ERC2: variants seen among roughly 807,000 people sequenced by gnomAD.
ERC2 encodes the protein ERC protein 2.
Under a neutral mutation model 114.8 loss-of-function variants are expected in ERC2, and 42 were observed. That is an observed-to-expected ratio of 0.37 (90% CI 0.29 to 0.47). The LOEUF (loss-of-function observed/expected upper bound fraction) is 0.47. Ranked by LOEUF, ERC2 falls within the 20% of genes least tolerant of loss-of-function variation. The probability of loss-of-function intolerance (pLI) is 0.99; values close to 1 mark genes in which losing one functional copy is unlikely to be tolerated. For synonymous variants in ERC2, 454 were observed against 425.5 expected (o/e 1.07, Z -0.82); for missense variants, 939 against 1,150.7 (o/e 0.82, Z 2.66).
chr3:55,545,576 T>C (rs2054686818), intron 17 of ERC2, among the ~76,000 whole-genome samples: 2 of 152,190 alleles, frequency 1.3e-5, no homozygotes, highest in Admixed American at 6.5e-5. Flanking sequence ...AGTGGGACTC[T>C]TAGGGGTAAT....
At chr3:55,918,687 C>T (rs1259163026) in intron 13 of ERC2, among the ~76,000 whole-genome samples, 3 of 151,548 alleles carry the variant, frequency 2.0e-5, no homozygotes, top group Non-Finnish European at 4.4e-5. Flanking sequence ...GGAAGCTGAT[C>T]CACCCTATCA....
chr3:56,037,112 C>T (rs901631551), intron 7 of ERC2, among the ~76,000 whole-genome samples: 1 of 152,164 alleles, frequency 6.6e-6, no homozygotes, highest in African/African-American at 2.4e-5. Flanking sequence ...CACAAAAATG[C>T]TAAAAACTCA....
chr3:56,055,788 C>A (rs2075987136), intron 7 of ERC2, among the ~76,000 whole-genome samples: 1 of 152,190 alleles, frequency 6.6e-6, no homozygotes, highest in Admixed American at 6.5e-5. Context: ...ATCCCACTCT[C>A]AGTCTCCCCT....
At chr3:55,924,859 G>T (rs1238168230) in intron 13 of ERC2, among the ~76,000 whole-genome samples, 1 of 152,176 alleles carries the variant, frequency 6.6e-6, no homozygotes, top group South Asian at 2.1e-4. Context: ...AATGAACCCT[G>T]TGTGGATATA....
chr3:55,779,888 T>TA (rs1444090696), intron 14 of ERC2, among the ~76,000 whole-genome samples: 1 of 143,268 alleles, frequency 7.0e-6, no homozygotes, highest in Non-Finnish European at 1.5e-5. Flanking sequence ...GAGAAAGTCT[T>TA]AGTCTTTTTT....
At chr3:56,284,829 A>G (rs1560520222) in intron 3 of ERC2, among the ~76,000 whole-genome samples, 3 of 151,412 alleles carry the variant, frequency 2.0e-5, no homozygotes, top group African/African-American at 7.3e-5. Flanking sequence ...ACCACCCCCA[A>G]CCCCTCCTTT....
chr3:56,183,036 C>A (rs1340591390), intron 3 of ERC2, among the ~76,000 whole-genome samples: 1 of 151,890 alleles, frequency 6.6e-6, no homozygotes, highest in Non-Finnish European at 1.5e-5. Flanking sequence ...TAAATAATAA[C>A]CTAAAATATT....
rs2051971323 is a variant in ERC2 at position 55,509,952 on chromosome 3, G to C, written c.*1364C>G. 1 of 152,644 alleles carries C rather than the reference G, an allele frequency of 6.6e-6. No individual in the cohort carries two copies. The highest frequency in any genetic ancestry group is 1.5e-5 in the Non-Finnish European group (1 of 68,040). 9.5% of individuals were successfully genotyped at this position (152,644 alleles called of 1,614,324 possible). A position where few individuals can be genotyped will look rare whatever the true frequency, so the allele number is the denominator to read the frequency against. ...TTTCTTCCATTGACAAGAAAATGGA[G>C]CAATACAAGAGTTGCACATGTTTGC... On this transcript the variant is annotated 3_prime_UTR_variant, in exon 18 of 18. Coordinates refer to ENST00000288221, the MANE Select transcript of ERC2 (RefSeq NM_015576.3).
chr3:56,466,163 CAAT>C (rs1301788219), intron 1 of ERC2, among the ~76,000 whole-genome samples: 3 of 152,208 alleles, frequency 2.0e-5, no homozygotes, highest in Admixed American at 6.5e-5. Context: ...TATGCAATAA[CAAT>C]GATGATGATA....
intron 14 of ERC2, among the ~76,000 whole-genome samples, chr3:55,878,807 A>G (rs189430749): frequency 1.3e-5 from 2 of 152,304 alleles, no homozygotes; most frequent in African/African-American, 4.8e-5. Flanking sequence ...GGCTAATTTA[A>G]TTCTCTGAAG....
intron 12 of ERC2, among the ~76,000 whole-genome samples, chr3:55,977,062 T>A (rs2069646087): frequency 6.6e-6 from 1 of 152,250 alleles, no homozygotes; most frequent in Admixed American, 6.5e-5. Flanking sequence ...AATCTGTTGG[T>A]ACCTTTGATC....
intron 17 of ERC2, among the ~76,000 whole-genome samples, chr3:55,574,974 T>C (rs2056900852): frequency 6.6e-6 from 1 of 152,190 alleles, no homozygotes; most frequent in Admixed American, 6.5e-5. Flanking sequence ...CTGGGTCCCC[T>C]GGCTGAACTA....
intron 2 of ERC2, among the ~76,000 whole-genome samples, chr3:56,312,444 A>G (rs913726857): frequency 3.9e-5 from 6 of 152,160 alleles, no homozygotes; most frequent in African/African-American, 1.4e-4. Context: ...GCAACAATGT[A>G]TTGTATATTT....
intron 14 of ERC2, among the ~76,000 whole-genome samples, chr3:55,882,329 C>T (rs986820248): frequency 6.6e-6 from 1 of 152,212 alleles, no homozygotes; most frequent in African/African-American, 2.4e-5. Flanking sequence ...GCACCAAGCT[C>T]CTTGTACAGC....
At chr3:55,898,754 T>C (rs2063965042) in intron 13 of ERC2, among the ~76,000 whole-genome samples, 1 of 152,156 alleles carries the variant, frequency 6.6e-6, no homozygotes, top group Non-Finnish European at 1.5e-5. Flanking sequence ...ATGCATCACA[T>C]TTTTCATCTT....
At chr3:55,511,591 G>A (rs1253863089) in intron 17 of ERC2, among the ~76,000 whole-genome samples, 1 of 152,186 alleles carries the variant, frequency 6.6e-6, no homozygotes, top group Non-Finnish European at 1.5e-5. Context: ...ATGTTCCAGT[G>A]ATTATTTCCA....
chr3:56,339,582 A>G (rs1400614372), intron 2 of ERC2, among the ~76,000 whole-genome samples: 1 of 152,114 alleles, frequency 6.6e-6, no homozygotes, highest in African/African-American at 2.4e-5. Context: ...AGATTTAATC[A>G]GGGGTCCAAT....
chr3:56,139,821 C>G (rs1331119750), intron 5 of ERC2, 145 bp from the exon 6 acceptor site: 1 of 861,104 alleles, frequency 1.2e-6, no homozygotes. Context: ...AAAAAGATGG[C>G]CTTGGGAATC....
At chr3:55,841,530 A>G (rs915708386) in intron 14 of ERC2, among the ~76,000 whole-genome samples, 25 of 152,216 alleles carry the variant, frequency 1.6e-4, no homozygotes, top group African/African-American at 6.0e-4. Context: ...GCAGAGTGAC[A>G]ATAGAGTAAT....
Sources: gnomAD v4.1 joint callset for allele counts (sites outside exome capture counted in the v4.1 genomes callset) on GRCh38, gnomAD v4.1.1 for gene constraint, MANE v1.5 for transcripts, NCBI Gene and HGNC (gene_info 2026-07-23, HGNC 2026-07-21) for gene names.